FGF14: variants seen among roughly 807,000 people sequenced by gnomAD.
The protein encoded by FGF14 is fibroblast growth factor homologous factor 4.
A neutral mutation model predicts 25.5 loss-of-function variants in FGF14; 5 were observed. That is an observed-to-expected ratio of 0.20 (90% CI 0.10 to 0.41). FGF14 has a LOEUF of 0.41. FGF14 is among the 10% of genes least tolerant of loss of function. FGF14 has a pLI of 1.00. For missense variants in FGF14, 222 were observed against 320.1 expected (o/e 0.69, Z 2.34); for synonymous variants, 138 against 118.3 (o/e 1.17, Z -1.08).
intron 2 of FGF14, among the ~76,000 whole-genome samples, chr13:101,870,820 G>A (rs913766990): frequency 7.9e-5 from 12 of 152,070 alleles, no homozygotes; most frequent in Admixed American, 3.3e-4. Context: ...AGGCGTGGTG[G>A]GGCATGCCTG....
At chr13:102,090,914 T>TTA (rs2044136906) in intron 1 of FGF14, among the ~76,000 whole-genome samples, 1 of 152,260 alleles carries the variant, frequency 6.6e-6, no homozygotes, top group Non-Finnish European at 1.5e-5. Flanking sequence ...TATATTATAC[T>TTA]GTCTGAATCA....
intron 1 of FGF14, among the ~76,000 whole-genome samples, chr13:101,931,111 C>G (rs116476156): frequency 6.6e-6 from 1 of 152,150 alleles, no homozygotes; most frequent in Non-Finnish European, 1.5e-5. Context: ...TATTTTATGA[C>G]AAAACCTACC....
At chr13:101,980,591 C>T (rs563291902) in intron 1 of FGF14, among the ~76,000 whole-genome samples, 139 of 152,222 alleles carry the variant, frequency 9.1e-4, no homozygotes, top group African/African-American at 3.2e-3. Flanking sequence ...AGGCAGCTGC[C>T]TGCTTGAAAA....
At chr13:102,013,799 G>A (rs1229427879) in intron 1 of FGF14, among the ~76,000 whole-genome samples, 1 of 152,060 alleles carries the variant, frequency 6.6e-6, no homozygotes, top group African/African-American at 2.4e-5. Flanking sequence ...GGACAATTGT[G>A]TCAAATAAGC....
At chr13:102,224,064 G>A (rs558920307) in intron 1 of FGF14, among the ~76,000 whole-genome samples, 10 of 152,000 alleles carry the variant, frequency 6.6e-5, no homozygotes, top group South Asian at 2.1e-4. Flanking sequence ...ACATAAACAC[G>A]TATAAACATA....
chr13:102,214,047 C>T (rs2050266598), intron 1 of FGF14, among the ~76,000 whole-genome samples: 1 of 152,212 alleles, frequency 6.6e-6, no homozygotes, highest in Non-Finnish European at 1.5e-5. Context: ...AATGACTGAC[C>T]AGTTGAAAAG....
chr13:102,041,127 G>C (rs1003535135), intron 1 of FGF14, among the ~76,000 whole-genome samples: 4 of 151,054 alleles, frequency 2.6e-5, no homozygotes, highest in Admixed American at 1.3e-4. Context: ...GTACCTATTT[G>C]CCAATCTGAA....
intron 1 of FGF14, among the ~76,000 whole-genome samples, chr13:102,212,155 T>G: frequency 6.6e-6 from 1 of 152,220 alleles, no homozygotes; most frequent in African/African-American, 2.4e-5. Flanking sequence ...TTTGTGCATC[T>G]TATTCCATAC....
chr13:101,912,002 GTGTT>G (rs1196926812), intron 1 of FGF14, among the ~76,000 whole-genome samples: 5 of 134,256 alleles, frequency 3.7e-5, no homozygotes, highest in Non-Finnish European at 6.2e-5. Flanking sequence ...CACAAAAACA[GTGTT>G]TTTTTTTTTT....
At chr13:101,900,091 A>C (rs577264567) in intron 1 of FGF14, among the ~76,000 whole-genome samples, 2 of 152,278 alleles carry the variant, frequency 1.3e-5, no homozygotes, top group South Asian at 4.1e-4. Flanking sequence ...AAGCACTTCT[A>C]AATAATCCTA....
chr13:101,971,338 G>C (rs2037577512), intron 1 of FGF14, among the ~76,000 whole-genome samples: 1 of 151,672 alleles, frequency 6.6e-6, no homozygotes, highest in Non-Finnish European at 1.5e-5. Flanking sequence ...TACATACCAG[G>C]TACATAAATT....
chr13:102,319,239 C>T (rs2056151769), intron 1 of FGF14, among the ~76,000 whole-genome samples: 1 of 152,142 alleles, frequency 6.6e-6, no homozygotes. Context: ...AAAGAACTAA[C>T]CATATTATAA....
chr13:102,165,161 A>G (rs1263734047), intron 1 of FGF14, among the ~76,000 whole-genome samples: 1 of 152,072 alleles, frequency 6.6e-6, no homozygotes, highest in Admixed American at 6.6e-5. Flanking sequence ...AAAGTCAGGA[A>G]AAAACAGGTG....
chr13:101,823,135 T>C (rs1012382101), intron 3 of FGF14, among the ~76,000 whole-genome samples: 33 of 152,294 alleles, frequency 2.2e-4, no homozygotes, highest in African/African-American at 7.7e-4. Flanking sequence ...GTTTTTACCT[T>C]TTGGCTATTA....
chr13:101,794,742 T>C (rs2040425557), intron 3 of FGF14, among the ~76,000 whole-genome samples: 1 of 152,074 alleles, frequency 6.6e-6, no homozygotes, highest in African/African-American at 2.4e-5. Context: ...TTTAATACAA[T>C]TATGAAATGG....
intron 3 of FGF14, among the ~76,000 whole-genome samples, chr13:101,839,520 T>G (rs1184231331): frequency 6.6e-6 from 1 of 152,010 alleles, no homozygotes; most frequent in African/African-American, 2.4e-5. Flanking sequence ...AACATATATA[T>G]GTATTTTTTG....
chr13:101,910,253 AAAAT>A (rs2032775405), intron 1 of FGF14, among the ~76,000 whole-genome samples: 1 of 149,516 alleles, frequency 6.7e-6, no homozygotes, highest in African/African-American at 2.6e-5. Flanking sequence ...AAAAATAAAT[AAAAT>A]AAAAAGTAAA....
chr13:102,022,670 G>C (rs2040720760), intron 1 of FGF14, among the ~76,000 whole-genome samples: 1 of 151,944 alleles, frequency 6.6e-6, no homozygotes, highest in Non-Finnish European at 1.5e-5. Context: ...ACTCATTTAA[G>C]ATGTTTAAAA....
At chr13:102,120,150 C>T (rs1016834690) in intron 1 of FGF14, among the ~76,000 whole-genome samples, 1 of 152,040 alleles carries the variant, frequency 6.6e-6, no homozygotes, top group Non-Finnish European at 1.5e-5. Flanking sequence ...CAAACAAAAT[C>T]CCACCAGGAA....
Sources: gnomAD v4.1 joint callset for allele counts (sites outside exome capture counted in the v4.1 genomes callset) on GRCh38, gnomAD v4.1.1 for gene constraint, MANE v1.5 for transcripts, NCBI Gene and HGNC (gene_info 2026-07-23, HGNC 2026-07-21) for gene names.